TNNI3K: variants seen among roughly 807,000 people sequenced by gnomAD.
TNNI3K encodes serine/threonine-protein kinase TNNI3K.
Under a neutral mutation model 114.5 loss-of-function variants are expected in TNNI3K, and 140 were observed. The observed-to-expected ratio is 1.22, with a 90% confidence interval of 1.07 to 1.41. The LOEUF (loss-of-function observed/expected upper bound fraction) is 1.41. Among genes scored for constraint, TNNI3K ranks in the 40% most tolerant of loss-of-function variants. The probability of loss-of-function intolerance (pLI) is 0.00; values close to 1 mark genes in which losing one functional copy is unlikely to be tolerated. For synonymous variants in TNNI3K, 347 were observed against 347.5 expected (o/e 1.00, Z 0.02); for missense variants, 1,125 against 1,007.6 (o/e 1.12, Z -1.58).
chr1:74,433,086 C>T (rs1238335270), intron 17 of TNNI3K, among the ~76,000 whole-genome samples: 2 of 152,122 alleles, frequency 1.3e-5, no homozygotes, highest in Non-Finnish European at 2.9e-5. Context: ...CCATCTCTGT[C>T]ACTGCTCCCA....
At chr1:74,487,656 G>A (rs535100610) in intron 21 of TNNI3K, among the ~76,000 whole-genome samples, 5 of 152,220 alleles carry the variant, frequency 3.3e-5, no homozygotes, top group South Asian at 4.1e-4. Flanking sequence ...GAGTGACAGC[G>A]AAAAGATGAT....
rs149929403 is a variant in TNNI3K at position 74,393,183 on chromosome 1, T to G, written c.1772+22791T>G. ...TGCAGGGCAGTTTTCTTCAATTTTA[T>G]TCTATATGCTATCTCAGATCATTAA... On this transcript the variant is annotated intron_variant, in intron 17 of 24. Transcript: ENST00000326637. 2.1e-3 allele frequency among the ~76,000 whole-genome samples: 326 copies of G among 152,280 alleles called. 2 individuals carry two copies. The highest frequency in any genetic ancestry group is 7.5e-3 in the African/African-American group (310 of 41,558).
chr1:74,390,008 G>T (rs1259734272), intron 17 of TNNI3K, among the ~76,000 whole-genome samples: 1 of 152,134 alleles, frequency 6.6e-6, no homozygotes, highest in Admixed American at 6.5e-5. Context: ...ACTGGGAGAA[G>T]ATAATGATAT....
chr1:74,504,789 G>A lies in TNNI3K; in HGVS notation c.2351+12523G>A, dbSNP rs111762520. Among the ~76,000 whole-genome samples the A allele has an allele frequency of 3.0e-3, 451 of 152,162 alleles. 3 individuals carry two copies. The highest frequency in any genetic ancestry group is 0.01 in the African/African-American group (419 of 41,508). On this transcript the variant is annotated intron_variant, in intron 23 of 24. Transcript: ENST00000326637. ...GTGGCTATTCTGATGCTGTAATTTC[G>A]TGTTCTTTTCTATCCGTCAGCAGTG...
chr1:74,309,911 T>C (rs1246981707), intron 5 of TNNI3K, among the ~76,000 whole-genome samples: 1 of 152,128 alleles, frequency 6.6e-6, no homozygotes, highest in Non-Finnish European at 1.5e-5. Context: ...AACAAGAATG[T>C]CTATTCTCAC....
chr1:74,465,340 C>T (rs1667624597), intron 21 of TNNI3K, among the ~76,000 whole-genome samples: 1 of 152,230 alleles, frequency 6.6e-6, no homozygotes, highest in Admixed American at 6.5e-5. Flanking sequence ...CCAGTGGGTG[C>T]AGGCCCCATA....
At chr1:74,361,024 T>G (rs1294913508) in intron 11 of TNNI3K, among the ~76,000 whole-genome samples, 1 of 152,134 alleles carries the variant, frequency 6.6e-6, no homozygotes, top group Non-Finnish European at 1.5e-5. Context: ...TTTTCCATGT[T>G]CTGCTACATG....
intron 21 of TNNI3K, among the ~76,000 whole-genome samples, chr1:74,481,772 T>A (rs1324939313): frequency 3.3e-5 from 5 of 152,082 alleles, no homozygotes; most frequent in African/African-American, 4.8e-5. Flanking sequence ...TAATCAGGAG[T>A]CATTGTAACA....
chr1:74,328,365 T>C (rs1203617438), intron 5 of TNNI3K, among the ~76,000 whole-genome samples: 1 of 152,076 alleles, frequency 6.6e-6, no homozygotes, highest in Non-Finnish European at 1.5e-5. Context: ...GATAGGTATA[T>C]ATTGAAGCCT....
chr1:74,418,992 G>A (rs975699349), intron 17 of TNNI3K, among the ~76,000 whole-genome samples: 1 of 152,000 alleles, frequency 6.6e-6, no homozygotes, highest in Non-Finnish European at 1.5e-5. Flanking sequence ...AATTAACAAA[G>A]AATTATTTTT....
At chr1:74,416,309 A>G in intron 17 of TNNI3K, 1 of 985,414 alleles carries the variant, frequency 1.0e-6, no homozygotes, top group Non-Finnish European at 1.2e-6. Context: ...CATTGTAGGC[A>G]CTACCAAAAA....
intron 23 of TNNI3K, among the ~76,000 whole-genome samples, chr1:74,502,542 G>A (rs934716150): frequency 3.2e-4 from 49 of 152,314 alleles, no homozygotes; most frequent in African/African-American, 8.2e-4. Flanking sequence ...TTGCCAACAT[G>A]TTTGCCAACA....
chr1:74,370,172 T>A, intron 16 of TNNI3K, 116 bp from the exon 17 acceptor site: 1 of 895,404 alleles, frequency 1.1e-6, no homozygotes, highest in Non-Finnish European at 1.6e-6. Context: ...TAGCTTAACC[T>A]TCAAGAAACA....
intron 4 of TNNI3K, among the ~76,000 whole-genome samples, chr1:74,255,010 A>G (rs1416947941): frequency 1.3e-5 from 2 of 152,144 alleles, no homozygotes; most frequent in Non-Finnish European, 2.9e-5. Context: ...TGTTCTACAG[A>G]TATCAGGATA....
chr1:74,479,443 T>G (rs146087858), intron 21 of TNNI3K, among the ~76,000 whole-genome samples: 246 of 152,300 alleles, frequency 1.6e-3, no homozygotes, highest in African/African-American at 5.6e-3. Flanking sequence ...CAAGTTTACA[T>G]AGAGTTGGAC....
At chr1:74,312,112 A>G (rs1208058314) in intron 5 of TNNI3K, among the ~76,000 whole-genome samples, 1 of 152,184 alleles carries the variant, frequency 6.6e-6, no homozygotes, top group African/African-American at 2.4e-5. Flanking sequence ...AAAATCACTT[A>G]TGTTTATTCA....
intron 2 of TNNI3K, among the ~76,000 whole-genome samples, chr1:74,244,048 A>G (rs574668397): frequency 8.9e-4 from 135 of 152,300 alleles, no homozygotes; most frequent in African/African-American, 3.2e-3. Flanking sequence ...GATTGCTTAA[A>G]TATCTTGAAT....
chr1:74,384,875 A>G (rs989330498), intron 17 of TNNI3K, among the ~76,000 whole-genome samples: 9 of 152,078 alleles, frequency 5.9e-5, no homozygotes, highest in Admixed American at 4.6e-4. Flanking sequence ...AAAACTTTTA[A>G]TTTTTAGCTG....
chr1:74,421,410 A>G (rs1665388527), intron 17 of TNNI3K, among the ~76,000 whole-genome samples: 1 of 152,116 alleles, frequency 6.6e-6, no homozygotes. Flanking sequence ...CTTATTCCTT[A>G]ATCTTTACAA....
Sources: gnomAD v4.1 joint callset for allele counts (sites outside exome capture counted in the v4.1 genomes callset) on GRCh38, gnomAD v4.1.1 for gene constraint, MANE v1.5 for transcripts, NCBI Gene and HGNC (gene_info 2026-07-23, HGNC 2026-07-21) for gene names.